MAP3K15: variants seen among roughly 807,000 people sequenced by gnomAD.
MAP3K15 encodes MAPK/ERK kinase kinase 15.
MAP3K15 carries 124 observed loss-of-function variants against 99.5 expected under a neutral mutation model. The observed-to-expected ratio is 1.25, with a 90% confidence interval of 1.08 to 1.45. The LOEUF is 1.45. Ranked by LOEUF, MAP3K15 falls within the 40% of genes most tolerant of loss-of-function variation. MAP3K15 has a pLI of 0.00. For synonymous variants in MAP3K15, 494 were observed against 439.6 expected (o/e 1.12, Z -1.55); for missense variants, 1,242 against 1,079.7 (o/e 1.15, Z -2.11).
chrX:19,491,661 T>C (rs1279989148), intron 1 of MAP3K15, among the ~76,000 whole-genome samples: 4 of 110,524 alleles, frequency 3.6e-5, no homozygotes, highest in African/African-American at 1.3e-4. Flanking sequence ...CTTGAGGCAA[T>C]GGGAAACCTA....
intron 6 of MAP3K15, among the ~76,000 whole-genome samples, chrX:19,454,537 G>A (rs1349692827): frequency 9.0e-6 from 1 of 111,448 alleles, no homozygotes; most frequent in Non-Finnish European, 1.9e-5. Flanking sequence ...TGACCGGCTC[G>A]AGCCAGCTTT....
At position 19,370,985 on chromosome X, in the gene MAP3K15, T is replaced by C; in HGVS notation, c.3374A>G (p.Gln1125Arg). 2 of 1,181,551 alleles carry C rather than the reference T, an allele frequency of 1.7e-6. No homozygotes were observed. Among genetic ancestry groups the C allele is most frequent in the Non-Finnish European group, 2.3e-6 (2 of 885,096 alleles). Residue 1125 changes from glutamine to arginine, a missense_variant, in exon 24 of 29, where the codon CAG becomes CGG. By Grantham distance (43) the Gln-to-Arg change is conservative (BLOSUM62 1). Coordinates refer to ENST00000338883, the MANE Select transcript of MAP3K15 (RefSeq NM_001001671.4). ...AMDNIIRRAVQAAVTILIPEL... is the reference protein window; with the variant it reads ...AMDNIIRRAVRAAVTILIPEL... ...TGGGATGAGAATGGTGACCGCGGCC[T>C]GCACCGCTCGGCGGATGATGTTGTC...
intron 13 of MAP3K15, among the ~76,000 whole-genome samples, chrX:19,401,807 C>T (rs1024575232): frequency 1.8e-5 from 2 of 112,273 alleles, no homozygotes; most frequent in African/African-American, 6.5e-5. Flanking sequence ...TTTTTACTCA[C>T]AATTCTCTCT....
chrX:19,441,382 G>A (rs1370900296), intron 6 of MAP3K15, among the ~76,000 whole-genome samples: 2 of 109,278 alleles, frequency 1.8e-5, no homozygotes, highest in Non-Finnish European at 3.8e-5. Flanking sequence ...GTGGCGGGGG[G>A]AGGATGATGA....
intron 14 of MAP3K15, among the ~76,000 whole-genome samples, chrX:19,399,757 A>C (rs1434473388): frequency 9.4e-6 from 1 of 106,812 alleles, no homozygotes; most frequent in Non-Finnish European, 1.9e-5. Flanking sequence ...AAAAAAAAAA[A>C]AAAAAAAAAC....
At chrX:19,372,136 A>G (rs1406041981) in intron 22 of MAP3K15, among the ~76,000 whole-genome samples, 1 of 100,473 alleles carries the variant, frequency 1.0e-5, no homozygotes, top group Non-Finnish European at 1.9e-5. Context: ...TGTCTAAAAA[A>G]AAAAAAAAAA....
In MAP3K15 at chrX:19,391,504, C is replaced by A. The variant is rs969379292; in HGVS notation, c.2431+498G>T. 8.4e-5 allele frequency among the ~76,000 whole-genome samples: 9 copies of A among 107,214 alleles called. 1 individual carries two copies. Among genetic ancestry groups the A allele is most frequent in the African/African-American group, 2.7e-4 (8 of 29,437 alleles). 93.1% of individuals were successfully genotyped at this position (107,214 alleles called of 115,157 possible). A position where few individuals can be genotyped will look rare whatever the true frequency, so the allele number is the denominator to read the frequency against. On this transcript the variant is annotated intron_variant, in intron 18 of 28. Coordinates refer to ENST00000338883, the MANE Select transcript of MAP3K15 (RefSeq NM_001001671.4). Reference sequence around the variant, plus strand: ...ACCAGCCTGGTCAACATGGTGAAACCTCGTCTCTACTGAAAATAGAAAATT... The same window carrying A: ...ACCAGCCTGGTCAACATGGTGAAACATCGTCTCTACTGAAAATAGAAAATT...
chrX:19,422,606 A>G (rs1259904272), intron 9 of MAP3K15, among the ~76,000 whole-genome samples: 3 of 112,016 alleles, frequency 2.7e-5, no homozygotes, highest in Admixed American at 9.5e-5. Flanking sequence ...CAACCATTGT[A>G]GAAGTCAGTG....
At chrX:19,500,899 C>T (rs960816942) in intron 1 of MAP3K15, among the ~76,000 whole-genome samples, 1 of 111,928 alleles carries the variant, frequency 8.9e-6, no homozygotes, top group African/African-American at 3.2e-5. Context: ...GCAGACCAGC[C>T]CACGGATATC....
Position 19,417,418 on chromosome X carries a change from G to C in MAP3K15, c.1440-2161C>G, listed in dbSNP as rs182645860. Among the ~76,000 whole-genome samples, 40 of 112,111 alleles carry C rather than the reference G, an allele frequency of 3.6e-4. No individual in the cohort carries two copies. The East Asian group carries it at 0.011, about 32-fold the overall frequency. On this transcript the variant is annotated intron_variant, in intron 9 of 28. Transcript: ENST00000338883. ...TTATATCCCGCGCCTGGCTCAGAGG[G>C]TCCTACGCCCAGAGCCTCACTCATT... is the stretch of plus-strand genomic sequence containing the variant.
At chrX:19,406,615 T>C (rs1569213214) in intron 13 of MAP3K15, among the ~76,000 whole-genome samples, 2 of 112,499 alleles carry the variant, frequency 1.8e-5, no homozygotes, top group African/African-American at 6.5e-5. Flanking sequence ...GGATAGTGTG[T>C]TTCTTGTGGG....
intron 19 of MAP3K15, 129 bp from the exon 20 acceptor site, chrX:19,374,789 G>A (rs1424859997): frequency 2.1e-5 from 12 of 560,499 alleles, no homozygotes; most frequent in East Asian, 7.3e-5. Flanking sequence ...CCCTTGCAAC[G>A]TCACGTTCTT....
At position 19,515,353 on chromosome X, in the gene MAP3K15, G is replaced by A. The variant is rs2064555617; in HGVS notation, c.-92C>T. ...TTACAGCAGCCGCGCAGGCGGTCCCGGCACCTGCTCCTGAAGCGCGGGACG... is the reference window on the plus strand; with the variant it reads ...TTACAGCAGCCGCGCAGGCGGTCCCAGCACCTGCTCCTGAAGCGCGGGACG... On this transcript the variant is annotated 5_prime_UTR_variant, in exon 1 of 29. Transcript: ENST00000338883. 3 of 541,300 alleles carry A rather than the reference G, an allele frequency of 5.5e-6. No individual in the cohort carries two copies. The highest frequency in any genetic ancestry group is 8.1e-5 in the Admixed American group (1 of 12,332). The allele number at this position is 541,300 out of a possible 1,213,427, so 44.6% of individuals were successfully genotyped here.
intron 1 of MAP3K15, among the ~76,000 whole-genome samples, chrX:19,504,457 A>G (rs1415178145): frequency 9.0e-6 from 1 of 111,458 alleles, no homozygotes; most frequent in Non-Finnish European, 1.9e-5. Flanking sequence ...TTTGGCGAAC[A>G]CTGTCTTTGC....
intron 4 of MAP3K15, among the ~76,000 whole-genome samples, chrX:19,461,330 A>G (rs756212903): frequency 9.8e-4 from 109 of 111,094 alleles, no homozygotes; most frequent in African/African-American, 3.3e-3. Flanking sequence ...CCTGGACTCA[A>G]GTGATCCACC....
In MAP3K15 at chrX:19,371,043, G is replaced by A; in HGVS notation, c.3316C>T (p.His1106Tyr). 8.7e-7 allele frequency: 1 copy of A among 1,144,303 alleles called. No homozygotes were observed. Among genetic ancestry groups the A allele is most frequent in the Non-Finnish European group, 1.2e-6 (1 of 866,961 alleles). The allele number at this position is 1,144,303 out of a possible 1,213,427, so 94.3% of individuals were successfully genotyped here. A position where few individuals can be genotyped will look rare whatever the true frequency, so the allele number is the denominator to read the frequency against. The change falls in exon 24 of 29, where the codon CAC becomes TAC. Residue 1106 changes from histidine (H) to tyrosine (Y), a missense_variant. Physicochemically the swap from His to Tyr is moderately conservative, Grantham distance 83. Transcript: ENST00000338883. Reference protein sequence around the residue: ...QDAVNKILRNHLIRPHWMFAM... With the variant: ...QDAVNKILRNYLIRPHWMFAM... Reference sequence around the variant, plus strand: ...AACATCCAGTGGGGCCTAATTAAGTGGTTCCTCAAAATTTTATTTACCTAA... The same window carrying A: ...AACATCCAGTGGGGCCTAATTAAGTAGTTCCTCAAAATTTTATTTACCTAA...
At chrX:19,512,905 G>A (rs764240044) in intron 1 of MAP3K15, among the ~76,000 whole-genome samples, 207 of 111,673 alleles carry the variant, frequency 1.9e-3, no homozygotes, top group African/African-American at 5.7e-3. Context: ...AGAAGCCAAA[G>A]TGAGAGCTCT....
intron 13 of MAP3K15, among the ~76,000 whole-genome samples, chrX:19,404,637 T>C (rs1192632912): frequency 8.9e-6 from 1 of 112,223 alleles, no homozygotes; most frequent in Non-Finnish European, 1.9e-5. Flanking sequence ...AGCATGGTGC[T>C]TGCATTAAGA....
intron 18 of MAP3K15, among the ~76,000 whole-genome samples, chrX:19,384,749 G>GGA (rs1555943906): frequency 1.3e-4 from 3 of 22,556 alleles, no homozygotes; most frequent in African/African-American, 3.8e-4. Context: ...TGTCTCAGGG[G>GGA]AAAAAAAAAA....
Sources: gnomAD v4.1 joint callset for allele counts (sites outside exome capture counted in the v4.1 genomes callset) on GRCh38, gnomAD v4.1.1 for gene constraint, MANE v1.5 for transcripts, NCBI Gene and HGNC (gene_info 2026-07-23, HGNC 2026-07-21) for gene names.